Variants in TCF25 observed in about 807,000 individuals in gnomAD.
TCF25 encodes ribosome quality control complex subunit TCF25.
Under a neutral mutation model 83.1 loss-of-function variants are expected in TCF25, and 41 were observed. The observed-to-expected ratio is 0.49, with a 90% CI of 0.38 to 0.64. The LOEUF is 0.64. TCF25 is among the 30% of genes least tolerant of loss of function. The pLI is 0.00. For missense variants in TCF25, 979 were observed against 914.5 expected (o/e 1.07, Z -0.91); for synonymous variants, 458 against 365.0 (o/e 1.25, Z -2.90).
At position 89,905,076 on chromosome 16, in the gene TCF25, C is replaced by A; in HGVS notation, c.1608C>A (p.Ala536=). Residue 536 remains alanine (A), a synonymous_variant, in exon 14 of 18, where the codon GCC becomes GCA. Transcript: ENST00000263346. ...AAGCAGTGGACGCCGGGGACCCAGC[C>A]GTGGAAGCCTGTGAGAACCGGTGAG... ...VLQAVDAGDP[A]VEACENRRKV... 1 of 1,599,860 alleles carries A rather than the reference C, an allele frequency of 6.3e-7. No individual in the cohort carries two copies. Among genetic ancestry groups the A allele is most frequent in the Non-Finnish European group, 8.5e-7 (1 of 1,173,758 alleles).
intron 1 of TCF25, among the ~76,000 whole-genome samples, chr16:89,874,294 G>A (rs910243567): frequency 1.3e-5 from 2 of 150,610 alleles, no homozygotes; most frequent in African/African-American, 4.9e-5. Context: ...GGGCCGTGAC[G>A]CTAAAGGGCG....
At chr16:89,904,286 C>A in intron 13 of TCF25, 81 bp downstream of exon 13, 1 of 1,433,334 alleles carries the variant, frequency 7.0e-7, no homozygotes, top group Non-Finnish European at 9.6e-7. Flanking sequence ...TCCTGAGAGG[C>A]CCTGAGGGAC....
intron 14 of TCF25, 104 bp downstream of exon 14, chr16:89,905,200 C>G: frequency 7.1e-7 from 1 of 1,409,076 alleles, no homozygotes; most frequent in Non-Finnish European, 9.3e-7. Flanking sequence ...CTGTGAGCAG[C>G]TTGGCCTCCC....
At chr16:89,876,374 A>G (rs1212939858) in intron 1 of TCF25, among the ~76,000 whole-genome samples, 1 of 152,214 alleles carries the variant, frequency 6.6e-6, no homozygotes, top group African/African-American at 2.4e-5. Context: ...GCCAGTTACG[A>G]CTAAATGGTT....
intron 15 of TCF25, 94 bp downstream of exon 15, chr16:89,906,378 G>A (rs562738301): frequency 2.4e-4 from 309 of 1,273,644 alleles, no homozygotes; most frequent in Non-Finnish European, 3.0e-4. Flanking sequence ...CGTGCGTGGT[G>A]CGGGCTCCCT....
intron 13 of TCF25, 49 bp from the exon 14 acceptor site, chr16:89,904,889 G>C: frequency 1.3e-6 from 2 of 1,575,544 alleles, no homozygotes; most frequent in East Asian, 2.4e-5. Context: ...CCTCGAGGCA[G>C]GCTGTGGTCT....
intron 12 of TCF25, among the ~76,000 whole-genome samples, chr16:89,903,491 T>G (rs2044516063): frequency 6.6e-6 from 1 of 152,058 alleles, no homozygotes; most frequent in Non-Finnish European, 1.5e-5. Flanking sequence ...GTCAACACGG[T>G]GAAACCCTTT....
rs2045532105 is a variant in TCF25 at position 89,911,246 on chromosome 16, C to T, written c.*8C>T. On this transcript the variant is annotated 3_prime_UTR_variant, in exon 18 of 18. Coordinates refer to ENST00000263346, the MANE Select transcript of TCF25 (RefSeq NM_014972.3). ...GAGGGGGAGTGGGACTGAGCGTCCG[C>T]AGAGGTGACCGAAAAGCCGTATGAT... is the stretch of plus-strand genomic sequence containing the variant. 1 of 1,611,850 alleles carries T rather than the reference C, an allele frequency of 6.2e-7. No homozygotes were observed. The highest frequency in any genetic ancestry group is 1.3e-5 in the African/African-American group (1 of 75,004).
chr16:89,881,009 A>G (rs1346636550), intron 1 of TCF25, among the ~76,000 whole-genome samples: 4 of 152,196 alleles, frequency 2.6e-5, no homozygotes, highest in African/African-American at 4.8e-5. Context: ...GTGGAGTGTC[A>G]GTGTTTTCAA....
chr16:89,904,454 G>T, intron 13 of TCF25: 1 of 564,824 alleles, frequency 1.8e-6, no homozygotes, highest in Non-Finnish European at 3.2e-6. Context: ...GGTGCCAGGC[G>T]TGGCGGCACA....
chr16:89,887,786 T>C, intron 5 of TCF25, 69 bp downstream of exon 5: 1 of 1,432,924 alleles, frequency 7.0e-7, no homozygotes, highest in Non-Finnish European at 9.3e-7. Context: ...CCGGGGGTGG[T>C]GTTCCTGAAG....
chr16:89,895,382 A>G (rs1408743881), intron 8 of TCF25, among the ~76,000 whole-genome samples: 1 of 151,904 alleles, frequency 6.6e-6, no homozygotes, highest in Non-Finnish European at 1.5e-5. Flanking sequence ...AATTTTTTGT[A>G]TTTTTAGTAG....
intron 5 of TCF25, among the ~76,000 whole-genome samples, chr16:89,888,635 T>C (rs1324571614): frequency 1.3e-5 from 2 of 150,726 alleles, no homozygotes; most frequent in Non-Finnish European, 3.0e-5. Context: ...GCAAAACTAA[T>C]GTGAAGGTCA....
Position 89,888,047 on chromosome 16 carries a change from C to T in TCF25, c.614+330C>T, listed in dbSNP as rs182238342. On this transcript the variant is annotated intron_variant, in intron 5 of 17. Transcript: ENST00000263346. ...TTGGGAGGCTGAGGCGGACAGATCA[C>T]CTGAAGTCAGGAGTTTGAGACCAGC... Among the ~76,000 whole-genome samples, 163 of 152,146 alleles carry T rather than the reference C, an allele frequency of 1.1e-3. 3 individuals carry two copies. The highest frequency in any genetic ancestry group is 3.4e-3 in the Middle Eastern group (1 of 294).
chr16:89,873,745 C>G lies in TCF25; in HGVS notation c.78C>G (p.Phe26Leu), dbSNP rs745432572. The change falls in exon 1 of 18, where the codon TTC (phenylalanine) becomes TTG (leucine). Residue 26 changes from phenylalanine to leucine, a missense_variant. Physicochemically the swap from Phe to Leu is conservative, Grantham distance 22 (BLOSUM62 0). Coordinates refer to ENST00000263346, the MANE Select transcript of TCF25 (RefSeq NM_014972.3). ...QEPLGPGALHFDLRDDDDAEE... is the reference protein window; with the variant it reads ...QEPLGPGALHLDLRDDDDAEE... ...CCCTCGGGCCCGGCGCCTTGCATTT[C>G]GATCTCCGTGATGACGATGACGCGG... The G allele has an allele frequency of 6.2e-7, 1 of 1,610,982 alleles. No homozygotes were observed. The highest frequency in any genetic ancestry group is 1.1e-5 in the South Asian group (1 of 90,886).
chr16:89,875,118 G>A (rs182271192), intron 1 of TCF25, among the ~76,000 whole-genome samples: 1 of 152,248 alleles, frequency 6.6e-6, no homozygotes, highest in African/African-American at 2.4e-5. Flanking sequence ...TCTCACCTTG[G>A]CCTCTCAGAG....
chr16:89,882,477 CA>C (rs2042681131), intron 1 of TCF25, among the ~76,000 whole-genome samples: 1 of 152,208 alleles, frequency 6.6e-6, no homozygotes, highest in Non-Finnish European at 1.5e-5. Context: ...GCCAAGGCTG[CA>C]GTGAGCCAAG....
At chr16:89,899,600 T>G (rs2044156518) in intron 11 of TCF25, among the ~76,000 whole-genome samples, 2 of 151,984 alleles carry the variant, frequency 1.3e-5, no homozygotes, top group Admixed American at 1.3e-4. Flanking sequence ...TGGTGGTGCA[T>G]GCCTGTAATC....
At chr16:89,903,471 G>A (rs1046651261) in intron 12 of TCF25, among the ~76,000 whole-genome samples, 15 of 152,334 alleles carry the variant, frequency 9.8e-5, no homozygotes, top group South Asian at 6.2e-4. Context: ...AGGAGTTCGA[G>A]ACCAGCCTGG....
Sources: allele counts gnomAD v4.1 joint callset (sites outside exome capture counted in the v4.1 genomes callset), GRCh38; gene constraint gnomAD v4.1.1; transcripts MANE v1.5; gene names NCBI Gene and HGNC (gene_info 2026-07-23, HGNC 2026-07-21).